Variants in FHIT observed in about 807,000 individuals in gnomAD.
FHIT encodes bis(5'-adenosyl)-triphosphatase.
FHIT carries 19 observed loss-of-function variants against 17.9 expected under a neutral mutation model. The observed-to-expected ratio is 1.06, with a 90% CI of 0.74 to 1.56. The LOEUF is 1.56. Among genes scored for constraint, FHIT ranks in the 40% most tolerant of loss-of-function variants. The probability of loss-of-function intolerance (pLI) is 0.00; values close to 1 mark genes in which losing one functional copy is unlikely to be tolerated. For missense variants in FHIT, 248 were observed against 189.2 expected, an observed-to-expected ratio of 1.31 and a Z score of -1.82; for synonymous variants, 81 against 69.7, an observed-to-expected ratio of 1.16 and a Z score of -0.81.
At chr3:61,065,131 G>C (rs1174116924) in intron 2 of FHIT, among the ~76,000 whole-genome samples, 1 of 152,120 alleles carries the variant, frequency 6.6e-6, no homozygotes, top group African/African-American at 2.4e-5. Flanking sequence ...ATTCCTATTA[G>C]CCTGAAGAAT....
intron 1 of FHIT, among the ~76,000 whole-genome samples, chr3:61,246,086 G>A (rs1020408542): frequency 1.3e-5 from 2 of 152,126 alleles, no homozygotes; most frequent in East Asian, 1.9e-4. Context: ...TCCCTCCAGC[G>A]CCATGACAGT....
chr3:60,447,004 T>G (rs2031384385), intron 5 of FHIT, among the ~76,000 whole-genome samples: 1 of 151,960 alleles, frequency 6.6e-6, no homozygotes, highest in African/African-American at 2.4e-5. Context: ...TCTATGCTTG[T>G]CTCTTCAGCC....
chr3:61,084,817 G>T (rs947608619), intron 2 of FHIT, among the ~76,000 whole-genome samples: 6 of 152,122 alleles, frequency 3.9e-5, no homozygotes, highest in Non-Finnish European at 8.8e-5. Flanking sequence ...GCCCTTTGCA[G>T]TTAATCCCCA....
chr3:60,334,569 C>T lies in FHIT; in HGVS notation c.103+202291G>A, dbSNP rs374778922. The stretch of plus-strand genomic sequence containing the variant: ...TGGGAGGCCAAGGCAGGTGGATCAT[C>T]GAGGTCAGGAGCTCGAGACCAGCAT... On this transcript the variant is annotated intron_variant, in intron 5 of 9. Transcript: ENST00000492590. Among the ~76,000 whole-genome samples, 22 of 152,214 alleles carry T rather than the reference C, an allele frequency of 1.4e-4. No individual in the cohort carries two copies. In the East Asian group the frequency reaches 3.7e-3, roughly 25 times the overall value.
intron 4 of FHIT, among the ~76,000 whole-genome samples, chr3:60,548,142 AGC>A (rs746634459): frequency 0.25 from 941 of 3,714 alleles, 17 homozygotes; most frequent in African/African-American, 0.45. Context: ...AGAGAGAGAG[AGC>A]GAGAGAGAGA....
intron 4 of FHIT, among the ~76,000 whole-genome samples, chr3:60,553,985 G>C (rs2036656242): frequency 6.6e-6 from 1 of 152,088 alleles, no homozygotes; most frequent in Admixed American, 6.5e-5. Flanking sequence ...TACTTGGGAG[G>C]CTGAGGCAGG....
At chr3:61,039,901 C>T (rs909195271) in intron 3 of FHIT, among the ~76,000 whole-genome samples, 1 of 152,118 alleles carries the variant, frequency 6.6e-6, no homozygotes, top group African/African-American at 2.4e-5. Context: ...TGGGCCACAA[C>T]AGCACTTAGA....
chr3:60,611,633 T>C (rs2038788530), intron 4 of FHIT, among the ~76,000 whole-genome samples: 1 of 152,186 alleles, frequency 6.6e-6, no homozygotes, highest in African/African-American at 2.4e-5. Flanking sequence ...ATGATTTTTA[T>C]GTAGTGTAGG....
At chr3:60,523,793 G>A (rs2035467431) in intron 5 of FHIT, among the ~76,000 whole-genome samples, 2 of 152,136 alleles carry the variant, frequency 1.3e-5, no homozygotes, top group South Asian at 2.1e-4. Context: ...GGCATGGGAG[G>A]GGTTGAGTAT....
chr3:60,252,382 A>AAAAAATTTT (rs1705756450), intron 5 of FHIT, among the ~76,000 whole-genome samples: 1 of 151,946 alleles, frequency 6.6e-6, no homozygotes, highest in Non-Finnish European at 1.5e-5. Flanking sequence ...CGTCTCTATA[A>AAAAAATTTT]AAAAATTTTA....
intron 8 of FHIT, among the ~76,000 whole-genome samples, chr3:59,882,783 A>G (rs1194236354): frequency 6.6e-6 from 1 of 152,188 alleles, no homozygotes; most frequent in Non-Finnish European, 1.5e-5. Flanking sequence ...CTGCTTTCCT[A>G]TATCAGCCTT....
intron 5 of FHIT, among the ~76,000 whole-genome samples, chr3:60,338,630 C>G (rs1032618192): frequency 6.6e-6 from 1 of 152,166 alleles, no homozygotes; most frequent in Non-Finnish European, 1.5e-5. Flanking sequence ...TAAAGACTTG[C>G]AGTTACTAGA....
chr3:59,976,329 G>C (rs1708410729), intron 7 of FHIT, among the ~76,000 whole-genome samples: 1 of 152,158 alleles, frequency 6.6e-6, no homozygotes, highest in African/African-American at 2.4e-5. Flanking sequence ...ACCCGCTAAA[G>C]GAAGTTAACA....
intron 4 of FHIT, among the ~76,000 whole-genome samples, chr3:60,699,616 C>A (rs1577082642): frequency 7.1e-6 from 1 of 139,946 alleles, no homozygotes. Context: ...GTGCAGCGCA[C>A]CAGCATGGCA....
chr3:60,058,322 G>A (rs948230521), intron 5 of FHIT, among the ~76,000 whole-genome samples: 1 of 151,698 alleles, frequency 6.6e-6, no homozygotes, highest in African/African-American at 2.4e-5. Flanking sequence ...GTAGAGATGG[G>A]GTTTCACCAT....
At chr3:60,509,270 G>A (rs1307542219) in intron 5 of FHIT, among the ~76,000 whole-genome samples, 8 of 152,150 alleles carry the variant, frequency 5.3e-5, no homozygotes, top group Non-Finnish European at 7.4e-5. Context: ...CCGCAACCAG[G>A]ATACCCAGAG....
intron 3 of FHIT, among the ~76,000 whole-genome samples, chr3:61,016,300 T>C (rs936791094): frequency 6.6e-6 from 1 of 152,080 alleles, no homozygotes; most frequent in African/African-American, 2.4e-5. Context: ...AACATAGATT[T>C]TAAAAAGTAA....
chr3:60,816,098 G>A (rs563232134), intron 4 of FHIT, among the ~76,000 whole-genome samples: 1 of 152,202 alleles, frequency 6.6e-6, no homozygotes, highest in South Asian at 2.1e-4. Context: ...TTAATGACCT[G>A]AAACTTTACT....
intron 7 of FHIT, among the ~76,000 whole-genome samples, chr3:60,009,306 T>C (rs925373027): frequency 6.6e-6 from 1 of 151,854 alleles, no homozygotes; most frequent in Non-Finnish European, 1.5e-5. Context: ...AGGAAACTTC[T>C]GTGATCAGGT....
Sources: gnomAD v4.1 joint callset for allele counts (sites outside exome capture counted in the v4.1 genomes callset) on GRCh38, gnomAD v4.1.1 for gene constraint, MANE v1.5 for transcripts, NCBI Gene and HGNC (gene_info 2026-07-23, HGNC 2026-07-21) for gene names.